DGKB: variants seen among roughly 807,000 people sequenced by gnomAD.
The protein encoded by DGKB is diacylglycerol kinase beta, also known as 90 kDa diacylglycerol kinase.
A neutral mutation model predicts 114.3 loss-of-function variants in DGKB; 67 were observed. The ratio of observed to expected loss-of-function variants is 0.59; its 90% CI spans 0.48 to 0.72. DGKB has a LOEUF of 0.72. Among genes scored for constraint, DGKB ranks in the 30% least tolerant of loss-of-function variants. DGKB has a pLI of 0.00. For missense variants in DGKB, 907 were observed against 975.2 expected (o/e 0.93, Z 0.93); for synonymous variants, 398 against 323.1 (o/e 1.23, Z -2.49).
chr7:14,757,150 A>G (rs945616683), intron 3 of DGKB, among the ~76,000 whole-genome samples: 2 of 152,074 alleles, frequency 1.3e-5, no homozygotes, highest in Admixed American at 1.3e-4. Context: ...TATAAGCAAC[A>G]CAAAATCCTT....
chr7:14,785,334 A>T (rs926916754), intron 2 of DGKB, among the ~76,000 whole-genome samples: 1 of 152,150 alleles, frequency 6.6e-6, no homozygotes, highest in East Asian at 1.9e-4. Flanking sequence ...TCATTAAAAT[A>T]GCTTCAGTGT....
In DGKB at chr7:14,769,829, G is replaced by A. The variant is rs536839361; in HGVS notation, c.71-12098C>T. Among the ~76,000 whole-genome samples, 10 of 152,072 alleles carry A rather than the reference G, an allele frequency of 6.6e-5. No individual in the cohort carries two copies. In the South Asian group the frequency reaches 8.3e-4, roughly 13 times the overall value. On this transcript the variant is annotated intron_variant, in intron 2 of 25. Coordinates refer to ENST00000402815, the MANE Select transcript of DGKB (RefSeq NM_001350709.2). Reference sequence around the variant, plus strand: ...TCATCCCTCCAATCTCTGCCCTGTCGTCACATGATCTTCTCCCTTTCTGTC... The same window carrying A: ...TCATCCCTCCAATCTCTGCCCTGTCATCACATGATCTTCTCCCTTTCTGTC...
chr7:14,867,859 G>A (rs917553696), intron 1 of DGKB, among the ~76,000 whole-genome samples: 4 of 152,054 alleles, frequency 2.6e-5, no homozygotes, highest in Admixed American at 2.6e-4. Flanking sequence ...TGAGGTATCT[G>A]CCAAAACAAT....
chr7:14,320,844 A>G (rs901662566), intron 23 of DGKB, among the ~76,000 whole-genome samples: 1 of 152,116 alleles, frequency 6.6e-6, no homozygotes, highest in Non-Finnish European at 1.5e-5. Context: ...CCTAATGATG[A>G]CATGATAGGA....
At chr7:14,184,907 C>T (rs933279369) in intron 23 of DGKB, among the ~76,000 whole-genome samples, 1 of 152,108 alleles carries the variant, frequency 6.6e-6, no homozygotes, top group East Asian at 1.9e-4. Flanking sequence ...TACAAACTCA[C>T]AGCCAACATA....
At chr7:14,487,437 C>T (rs575903250) in intron 20 of DGKB, among the ~76,000 whole-genome samples, 1 of 152,030 alleles carries the variant, frequency 6.6e-6, no homozygotes, top group African/African-American at 2.4e-5. Context: ...TGGATTAAAT[C>T]TCTGTGGACT....
Position 14,803,839 on chromosome 7 carries a change from A to G in DGKB, c.70+37355T>C, listed in dbSNP as rs550191835. ...CTTATATGCTTAATACAAATAATCA[A>G]TATAATTTTCAACGAAGTCTAACGT... On this transcript the variant is annotated intron_variant, in intron 2 of 25. Coordinates refer to ENST00000402815, the MANE Select transcript of DGKB (RefSeq NM_001350709.2). Among the ~76,000 whole-genome samples, 11 of 152,260 alleles carry G rather than the reference A, an allele frequency of 7.2e-5. No homozygotes were observed. In the South Asian group the frequency reaches 1.9e-3, roughly 26 times the overall value.
intron 9 of DGKB, among the ~76,000 whole-genome samples, chr7:14,690,285 C>T (rs776817739): frequency 1.9e-4 from 29 of 152,046 alleles, no homozygotes; most frequent in African/African-American, 5.1e-4. Context: ...CTCGTTTTTC[C>T]GGAGACAGCA....
At position 14,174,562 on chromosome 7, in the gene DGKB, T is replaced by C. The variant is rs1781449053; in HGVS notation, c.2304+2277A>G. Among the ~76,000 whole-genome samples the C allele has an allele frequency of 2.0e-5, 3 of 152,168 alleles. No homozygotes were observed. The South Asian group carries it at 6.2e-4, about 32-fold the overall frequency. Reference sequence around the variant, plus strand: ...TGGTTTTATTTCTTTGATTTACTTATTCTTTTGTTACCAAGGCTGATGAAA... The same window carrying C: ...TGGTTTTATTTCTTTGATTTACTTACTCTTTTGTTACCAAGGCTGATGAAA... On this transcript the variant is annotated intron_variant, in intron 25 of 25. Transcript: ENST00000402815.
rs564292239 is a variant in DGKB at position 14,592,182 on chromosome 7, T to G, written c.1434-9045A>C. On this transcript the variant is annotated intron_variant, in intron 17 of 25. Coordinates refer to ENST00000402815, the MANE Select transcript of DGKB (RefSeq NM_001350709.2). Reference sequence around the variant, plus strand: ...ATCAGTGTGAGAGTCATAAATATTTTCAGCATATCTATACATGGTGAATGC... The same window carrying G: ...ATCAGTGTGAGAGTCATAAATATTTGCAGCATATCTATACATGGTGAATGC... Among the ~76,000 whole-genome samples the G allele has an allele frequency of 1.2e-4, 18 of 152,000 alleles. No individual in the cohort carries two copies. The South Asian group carries it at 3.7e-3, about 31-fold the overall frequency.
Position 14,517,265 on chromosome 7 carries a change from C to T in DGKB, c.1771-39040G>A, listed in dbSNP as rs551706211. 4.3e-4 allele frequency among the ~76,000 whole-genome samples: 66 copies of T among 151,854 alleles called. 2 individuals are homozygous for T. The highest frequency in any genetic ancestry group is 2.0e-4 in the Admixed American group (3 of 15,214). On this transcript the variant is annotated intron_variant, in intron 20 of 25. Transcript: ENST00000402815. ...AACTGACTAGCCATATGCAGAAGATCGAAACTGGACCCTTTCCTTATACCA... is the reference window on the plus strand; with the variant it reads ...AACTGACTAGCCATATGCAGAAGATTGAAACTGGACCCTTTCCTTATACCA...
Position 14,236,725 on chromosome 7 carries a change from A to G in DGKB, c.2123-58574T>C, listed in dbSNP as rs6959634. Among the ~76,000 whole-genome samples, 612 of 152,090 alleles carry G rather than the reference A, an allele frequency of 4.0e-3. 4 individuals are homozygous for G. Among genetic ancestry groups the G allele is most frequent in the African/African-American group, 0.014 (586 of 41,544 alleles). On this transcript the variant is annotated intron_variant, in intron 23 of 25. Coordinates refer to ENST00000402815, the MANE Select transcript of DGKB (RefSeq NM_001350709.2). ...CAATTCCAACTTTCTCTTTCCTGTG[A>G]TAGTGAAAAAGCTTATAAACCAACA...
intron 13 of DGKB, among the ~76,000 whole-genome samples, chr7:14,654,208 T>G (rs1243780842): frequency 6.6e-6 from 1 of 151,670 alleles, no homozygotes; most frequent in African/African-American, 2.4e-5. Flanking sequence ...AAAATTAACA[T>G]ACAAAAAAAT....
At chr7:14,328,163 A>C (rs1809085217) in intron 23 of DGKB, among the ~76,000 whole-genome samples, 1 of 152,130 alleles carries the variant, frequency 6.6e-6, no homozygotes, top group African/African-American at 2.4e-5. Context: ...TCATAGACTT[A>C]GTAAGAAAAT....
chr7:14,335,424 G>A (rs1374632397), intron 23 of DGKB, among the ~76,000 whole-genome samples: 1 of 151,882 alleles, frequency 6.6e-6, no homozygotes, highest in African/African-American at 2.4e-5. Context: ...TAAAGTTTAT[G>A]AAAGCAAGTA....
At chr7:14,839,721 TAC>T (rs1312245553) in intron 2 of DGKB, among the ~76,000 whole-genome samples, 1 of 152,190 alleles carries the variant, frequency 6.6e-6, no homozygotes, top group Non-Finnish European at 1.5e-5. Context: ...TCAGAGGCTC[TAC>T]ACAGTTTTGA....
intron 23 of DGKB, among the ~76,000 whole-genome samples, chr7:14,247,153 C>A (rs956573089): frequency 6.6e-6 from 1 of 152,118 alleles, no homozygotes. Context: ...TGTATTGTCA[C>A]AAATGACAAA....
chr7:14,621,261 G>A, intron 15 of DGKB, 117 bp downstream of exon 15: 1 of 623,514 alleles, frequency 1.6e-6, no homozygotes, highest in Non-Finnish European at 2.8e-6. Flanking sequence ...TTCTGAAAGA[G>A]TCTACTAAGC....
intron 6 of DGKB, among the ~76,000 whole-genome samples, chr7:14,708,621 A>C (rs1321464156): frequency 2.0e-5 from 3 of 151,590 alleles, no homozygotes; most frequent in South Asian, 2.1e-4. Flanking sequence ...ACAGAGATAT[A>C]AATCAATGGA....
Sources: gnomAD v4.1 joint callset for allele counts (sites outside exome capture counted in the v4.1 genomes callset) on GRCh38, gnomAD v4.1.1 for gene constraint, MANE v1.5 for transcripts, NCBI Gene and HGNC (gene_info 2026-07-23, HGNC 2026-07-21) for gene names.